CA10: variants seen among roughly 807,000 people sequenced by gnomAD.
CA10 encodes carbonic anhydrase 10 (inactive).
A neutral mutation model predicts 44.2 loss-of-function variants in CA10; 14 were observed. The ratio of observed to expected loss-of-function variants is 0.32; its 90% CI spans 0.21 to 0.50. The LOEUF (loss-of-function observed/expected upper bound fraction) is 0.50, where lower values mean the gene tolerates loss of function less well. Among genes scored for constraint, CA10 ranks in the 20% least tolerant of loss-of-function variants. The pLI is 0.99. For synonymous variants in CA10, 159 were observed against 141.6 expected, an observed-to-expected ratio of 1.12 and a Z score of -0.87; for missense variants, 350 against 409.7, an observed-to-expected ratio of 0.85 and a Z score of 1.26.
chr17:51,978,076 T>G (rs1196046855), intron 2 of CA10, among the ~76,000 whole-genome samples: 1 of 152,134 alleles, frequency 6.6e-6, no homozygotes, highest in Non-Finnish European at 1.5e-5. Context: ...AGGCTCAGTA[T>G]TAATAAAAAG....
chr17:51,917,129 A>G (rs1185141508), intron 3 of CA10, among the ~76,000 whole-genome samples: 1 of 152,176 alleles, frequency 6.6e-6, no homozygotes, highest in African/African-American at 2.4e-5. Flanking sequence ...AGCTCTCCAG[A>G]TAAAAAAGGG....
chr17:51,637,348 G>A (rs1284934604), intron 6 of CA10, among the ~76,000 whole-genome samples: 2 of 152,052 alleles, frequency 1.3e-5, no homozygotes, highest in East Asian at 3.9e-4. Context: ...TACATCCATG[G>A]CTTCACTTGC....
rs537708851 is a variant in CA10, at chr17:52,066,333, A to G, written c.136+5986T>C. Among the ~76,000 whole-genome samples the G allele has an allele frequency of 2.6e-5, 4 of 152,316 alleles. No homozygotes were observed. The South Asian group carries it at 8.3e-4, about 32-fold the overall frequency. On this transcript the variant is annotated intron_variant, in intron 2 of 8. Transcript: ENST00000451037. ...GATCAAAATACTGATAGTGATATGGACAATGAAATACAGCAGGCTAAGGTG... is the reference window on the plus strand; with the variant it reads ...GATCAAAATACTGATAGTGATATGGGCAATGAAATACAGCAGGCTAAGGTG...
At chr17:51,765,151 G>A (rs571393452) in intron 3 of CA10, among the ~76,000 whole-genome samples, 12 of 152,222 alleles carry the variant, frequency 7.9e-5, no homozygotes, top group African/African-American at 2.6e-4. Flanking sequence ...TTTGGGGTTG[G>A]GGGGAGAAGG....
intron 2 of CA10, among the ~76,000 whole-genome samples, chr17:51,962,233 G>A (rs59707794): frequency 0.01 from 1,582 of 152,364 alleles, 39 homozygotes; most frequent in African/African-American, 0.036. Flanking sequence ...TCCTGAATCA[G>A]GAGTTTAGGC....
At chr17:51,974,515 G>A (rs1984394890) in intron 2 of CA10, among the ~76,000 whole-genome samples, 2 of 150,592 alleles carry the variant, frequency 1.3e-5, no homozygotes, top group African/African-American at 4.9e-5. Flanking sequence ...ACAAAAAACT[G>A]TAACAAAAAA....
intron 3 of CA10, among the ~76,000 whole-genome samples, chr17:51,782,341 A>G (rs1906096513): frequency 6.6e-6 from 1 of 152,232 alleles, no homozygotes; most frequent in African/African-American, 2.4e-5. Context: ...CCATCACACA[A>G]GCACCTGGAT....
intron 2 of CA10, among the ~76,000 whole-genome samples, chr17:51,964,955 AC>A (rs1984028069): frequency 6.6e-6 from 1 of 151,994 alleles, no homozygotes; most frequent in Non-Finnish European, 1.5e-5. Flanking sequence ...CAAAGGGTCA[AC>A]AAAAGGTTCA....
chr17:51,664,404 G>A (rs1488499576), intron 4 of CA10, among the ~76,000 whole-genome samples: 3 of 151,994 alleles, frequency 2.0e-5, no homozygotes, highest in Non-Finnish European at 4.4e-5. Context: ...CAATGCTGGA[G>A]AAATCTTCCA....
chr17:51,662,941 A>G (rs1914059781), intron 4 of CA10, among the ~76,000 whole-genome samples: 1 of 152,160 alleles, frequency 6.6e-6, no homozygotes, highest in South Asian at 2.1e-4. Flanking sequence ...GTAGAGTGAT[A>G]TATTTGGGTG....
intron 1 of CA10, among the ~76,000 whole-genome samples, chr17:52,100,307 G>A (rs189187553): frequency 1.3e-5 from 2 of 152,244 alleles, no homozygotes; most frequent in East Asian, 1.9e-4. Context: ...CATAGAAACA[G>A]TACTGAAAGA....
chr17:52,027,844 A>G (rs193132557), intron 2 of CA10, among the ~76,000 whole-genome samples: 1 of 152,294 alleles, frequency 6.6e-6, no homozygotes, highest in Admixed American at 6.5e-5. Flanking sequence ...GACACAGTGT[A>G]TCTAATAAGT....
chr17:51,919,210 T>C (rs1982126613), intron 3 of CA10, among the ~76,000 whole-genome samples: 2 of 152,234 alleles, frequency 1.3e-5, no homozygotes, highest in South Asian at 2.1e-4. Context: ...ACCTGGTTTA[T>C]AGGCAATAAT....
chr17:51,784,056 A>G (rs1004595374), intron 3 of CA10, among the ~76,000 whole-genome samples: 6 of 152,108 alleles, frequency 3.9e-5, no homozygotes, highest in South Asian at 2.1e-4. Flanking sequence ...CACTGTGTAT[A>G]TGGTACCTGA....
chr17:51,677,872 C>T (rs1914683641), intron 4 of CA10, among the ~76,000 whole-genome samples: 1 of 112,256 alleles, frequency 8.9e-6, no homozygotes. Context: ...AACAATGCCA[C>T]TCCTAGGTAT....
intron 3 of CA10, among the ~76,000 whole-genome samples, chr17:51,879,474 T>C (rs902451553): frequency 6.6e-6 from 1 of 152,184 alleles, no homozygotes; most frequent in Non-Finnish European, 1.5e-5. Flanking sequence ...TTCAAGACAG[T>C]GGAGCTGAGC....
chr17:51,673,975 C>A (rs557954659), intron 4 of CA10, among the ~76,000 whole-genome samples: 1 of 152,086 alleles, frequency 6.6e-6, no homozygotes, highest in Non-Finnish European at 1.5e-5. Context: ...TCCTTCCCCC[C>A]CAGGTTCATC....
chr17:51,824,530 T>C (rs950502601), intron 3 of CA10, among the ~76,000 whole-genome samples: 1 of 152,202 alleles, frequency 6.6e-6, no homozygotes, highest in African/African-American at 2.4e-5. Context: ...CCAAAAACCC[T>C]AGGATGAACA....
intron 3 of CA10, among the ~76,000 whole-genome samples, chr17:51,874,984 C>CTTTTCTTTTCTTTTCT (rs1567869305): frequency 1.2e-4 from 16 of 134,116 alleles, no homozygotes; most frequent in Non-Finnish European, 1.7e-4. Context: ...CTTTTCTTTT[C>CTTTTCTTTTCTTTTCT]TTTTCTTTTC....
Sources: allele counts gnomAD v4.1 joint callset (sites outside exome capture counted in the v4.1 genomes callset), GRCh38; gene constraint gnomAD v4.1.1; transcripts MANE v1.5; gene names NCBI Gene and HGNC (gene_info 2026-07-23, HGNC 2026-07-21).